SNX24: variants seen among roughly 807,000 people sequenced by gnomAD.
The protein encoded by SNX24 is sorting nexin 24.
A neutral mutation model predicts 28.7 loss-of-function variants in SNX24; 22 were observed. That is an observed-to-expected ratio of 0.77 (90% CI 0.55 to 1.10). The LOEUF is 1.10. Ranked by LOEUF, SNX24 falls within the 50% of genes least tolerant of loss-of-function variation. The pLI is 0.00. For synonymous variants in SNX24, 69 were observed against 71.5 expected (o/e 0.96, Z 0.18); for missense variants, 221 against 201.1 (o/e 1.10, Z -0.60).
chr5:122,936,882 T>A (rs1443633136), intron 2 of SNX24, 65 bp downstream of exon 2: 1 of 924,366 alleles, frequency 1.1e-6, no homozygotes, highest in Non-Finnish European at 1.7e-6. Flanking sequence ...TAACTAACAC[T>A]CCTTTCTGTG....
At chr5:122,936,091 A>T (rs1277731772) in intron 1 of SNX24, among the ~76,000 whole-genome samples, 1 of 152,204 alleles carries the variant, frequency 6.6e-6, no homozygotes, top group Non-Finnish European at 1.5e-5. Flanking sequence ...GTGCCTACTA[A>T]TTAGTGCACC....
At chr5:122,889,450 C>G (rs903387647) in intron 1 of SNX24, among the ~76,000 whole-genome samples, 35 of 151,882 alleles carry the variant, frequency 2.3e-4, no homozygotes, top group African/African-American at 8.2e-4. Context: ...TCAAAGGAAA[C>G]GCTCATTGAA....
chr5:122,928,766 G>A (rs1056622009), intron 1 of SNX24, among the ~76,000 whole-genome samples: 1 of 151,766 alleles, frequency 6.6e-6, no homozygotes, highest in Admixed American at 6.5e-5. Context: ...TTGGACTTCT[G>A]ATCTGTAGTA....
At chr5:122,870,059 A>G (rs1287872858) in intron 1 of SNX24, among the ~76,000 whole-genome samples, 1 of 152,210 alleles carries the variant, frequency 6.6e-6, no homozygotes, top group African/African-American at 2.4e-5. Flanking sequence ...GAATGTCTTC[A>G]CCCTGAATGC....
chr5:122,868,165 A>C (rs1448066958), intron 1 of SNX24, among the ~76,000 whole-genome samples: 1 of 152,214 alleles, frequency 6.6e-6, no homozygotes, highest in Non-Finnish European at 1.5e-5. Context: ...GAGAGAAGGC[A>C]GTGTAGCTGG....
At chr5:122,939,191 T>A (rs1330019960) in intron 2 of SNX24, among the ~76,000 whole-genome samples, 3 of 152,222 alleles carry the variant, frequency 2.0e-5, no homozygotes, top group Non-Finnish European at 4.4e-5. Flanking sequence ...GCTTTGAATG[T>A]TAGAGTTTAA....
At chr5:122,888,970 G>C (rs1306611277) in intron 1 of SNX24, among the ~76,000 whole-genome samples, 1 of 152,082 alleles carries the variant, frequency 6.6e-6, no homozygotes, top group Non-Finnish European at 1.5e-5. Flanking sequence ...TCCTGCCTCA[G>C]CCTCATGAGT....
chr5:122,932,535 A>C (rs1469068875), intron 1 of SNX24, among the ~76,000 whole-genome samples: 1 of 152,196 alleles, frequency 6.6e-6, no homozygotes, highest in African/African-American at 2.4e-5. Context: ...TTGGAATGGA[A>C]ACTTATGCCC....
chr5:122,917,683 A>G (rs148832148), intron 1 of SNX24, among the ~76,000 whole-genome samples: 1 of 152,314 alleles, frequency 6.6e-6, no homozygotes, highest in Admixed American at 6.5e-5. Flanking sequence ...TAGCACAGAA[A>G]TCATAAAACT....
chr5:122,903,243 G>A (rs778565521), intron 1 of SNX24, among the ~76,000 whole-genome samples: 1 of 152,080 alleles, frequency 6.6e-6, no homozygotes, highest in African/African-American at 2.4e-5. Context: ...TAGTCACTGG[G>A]ACTACAGGCA....
At chr5:122,937,646 C>A (rs1759235618) in intron 2 of SNX24, among the ~76,000 whole-genome samples, 1 of 152,140 alleles carries the variant, frequency 6.6e-6, no homozygotes, top group South Asian at 2.1e-4. Flanking sequence ...CTGTTTCCTT[C>A]TCTTTTCTTT....
At position 123,017,795 on chromosome 5, in the gene SNX24, C is replaced by T. The variant is rs140219104; in HGVS notation, n.384-11443C>T. 5.3e-5 allele frequency among the ~76,000 whole-genome samples: 8 copies of T among 152,210 alleles called. No homozygotes were observed. In the East Asian group the frequency reaches 7.7e-4, roughly 15 times the overall value. Reference sequence around the variant, plus strand: ...TTCCCTTGTCTGCTACCATATGAGACGTGCCTTTAACCTTCCACCATGATT... The same window carrying T: ...TTCCCTTGTCTGCTACCATATGAGATGTGCCTTTAACCTTCCACCATGATT... On this transcript the variant is annotated intron_variant and non_coding_transcript_variant, in intron 5 of 5. Transcript: ENST00000502387.
At chr5:122,887,247 A>C (rs1756760151) in intron 1 of SNX24, among the ~76,000 whole-genome samples, 1 of 152,198 alleles carries the variant, frequency 6.6e-6, no homozygotes, top group African/African-American at 2.4e-5. Flanking sequence ...AACACTTTGA[A>C]TATATTACTT....
At position 122,852,454 on chromosome 5, in the gene SNX24, C is replaced by T. The variant is rs1029697266; in HGVS notation, c.60+6761C>T. 3.9e-5 allele frequency among the ~76,000 whole-genome samples: 6 copies of T among 152,084 alleles called. No homozygotes were observed. The East Asian group carries it at 1.2e-3, about 29-fold the overall frequency. The stretch of plus-strand genomic sequence containing the variant: ...ACCTCCCCAGGCTCAGGTGATTCCG[C>T]CACCTCAGCCTCCCAAGTAGCTGGG... On this transcript the variant is annotated intron_variant, in intron 1 of 6. Transcript: ENST00000261369.
intron 1 of SNX24, among the ~76,000 whole-genome samples, chr5:122,927,257 T>A (rs1758741437): frequency 6.6e-6 from 1 of 152,192 alleles, no homozygotes; most frequent in South Asian, 2.1e-4. Flanking sequence ...ATGGAAGACA[T>A]AAGATTCAAA....
intron 2 of SNX24, among the ~76,000 whole-genome samples, chr5:122,945,093 C>T (rs780510651): frequency 2.0e-5 from 3 of 152,074 alleles, no homozygotes; most frequent in Non-Finnish European, 2.9e-5. Context: ...AGCAGGATGA[C>T]GTTTGCTCTA....
chr5:122,851,567 A>T (rs1221496817), intron 1 of SNX24, among the ~76,000 whole-genome samples: 2 of 152,196 alleles, frequency 1.3e-5, no homozygotes, highest in Admixed American at 1.3e-4. Flanking sequence ...GTAGACATAT[A>T]TATCTTCTTG....
downstream of SNX24, among the ~76,000 whole-genome samples, chr5:123,011,933 A>G: frequency 6.6e-6 from 1 of 152,152 alleles, no homozygotes; most frequent in East Asian, 1.9e-4. Context: ...TAGTTCCCAT[A>G]ATCACCACAG....
chr5:122,999,455 TACAC>T (rs71928842), intron 3 of SNX24, among the ~76,000 whole-genome samples: 2 of 149,844 alleles, frequency 1.3e-5, no homozygotes, highest in Admixed American at 1.3e-4. Context: ...TGTGGGGAGA[TACAC>T]ACACACACAC....
Sources: gnomAD v4.1 joint callset for allele counts (sites outside exome capture counted in the v4.1 genomes callset) on GRCh38, gnomAD v4.1.1 for gene constraint, MANE v1.5 for transcripts, NCBI Gene and HGNC (gene_info 2026-07-23, HGNC 2026-07-21) for gene names.